DNAI1: variants seen among roughly 807,000 people sequenced by gnomAD.
DNAI1 encodes the protein dynein, axonemal, intermediate polypeptide 1.
DNAI1 carries 67 observed loss-of-function variants against 92.0 expected under a neutral mutation model. The ratio of observed to expected loss-of-function variants is 0.73; its 90% confidence interval spans 0.60 to 0.89. The LOEUF is 0.89. DNAI1 is among the 40% of genes least tolerant of loss of function. DNAI1 has a pLI of 0.00. For missense variants in DNAI1, 839 were observed against 866.6 expected (o/e 0.97, Z 0.40); for synonymous variants, 323 against 319.6 (o/e 1.01, Z -0.11).
chr9:34,504,185 G>A (rs1824882131), intron 12 of DNAI1, among the ~76,000 whole-genome samples: 1 of 152,116 alleles, frequency 6.6e-6, no homozygotes, highest in Admixed American at 6.5e-5. Flanking sequence ...CCCTCAAAAG[G>A]GGCCAATGTC....
intron 12 of DNAI1, among the ~76,000 whole-genome samples, chr9:34,502,161 G>T (rs887185431): frequency 2.0e-5 from 3 of 152,212 alleles, no homozygotes; most frequent in Admixed American, 6.5e-5. Context: ...TGACCAGGGT[G>T]GGGAGGGGCA....
At position 34,520,928 on chromosome 9, in the gene DNAI1, GTCT is replaced by G. The variant is rs1825269969; in HGVS notation, c.*175_*177del. On this transcript the variant is annotated 3_prime_UTR_variant, in exon 20 of 20. Transcript: ENST00000242317. The stretch of plus-strand genomic sequence containing the variant: ...TCCCAGCACCTTACCCCAGGACTTG[GTCT>G]TCAACCACCATTACCCCTCTAACTT... 3 of 701,772 alleles carry G rather than the reference GTCT, an allele frequency of 4.3e-6. No individual in the cohort carries two copies. The highest frequency in any genetic ancestry group is 7.6e-6 in the Non-Finnish European group (3 of 395,698). 43.5% of individuals were successfully genotyped at this position (701,772 alleles called of 1,614,324 possible). A position where few individuals can be genotyped will look rare whatever the true frequency, so the allele number is the denominator to read the frequency against.
At chr9:34,460,372 TCTA>T (rs1237203028) in intron 1 of DNAI1, among the ~76,000 whole-genome samples, 1 of 152,222 alleles carries the variant, frequency 6.6e-6, no homozygotes, top group East Asian at 1.9e-4. Flanking sequence ...CCCACTCAAG[TCTA>T]GGTACATTGA....
chr9:34,490,308 C>T, intron 6 of DNAI1, 61 bp from the exon 7 acceptor site: 1 of 1,613,930 alleles, frequency 6.2e-7, no homozygotes, highest in East Asian at 2.2e-5. Flanking sequence ...CTTGCCCCAT[C>T]TCCCGGTTTT....
chr9:34,516,175 G>A (rs1376854093), intron 18 of DNAI1, among the ~76,000 whole-genome samples: 2 of 152,138 alleles, frequency 1.3e-5, no homozygotes, highest in Admixed American at 1.3e-4. Context: ...GCCCTGAGGT[G>A]GGAACCAGCT....
intron 19 of DNAI1, among the ~76,000 whole-genome samples, chr9:34,520,417 G>T (rs1460068249): frequency 1.3e-5 from 2 of 152,186 alleles, no homozygotes; most frequent in African/African-American, 4.8e-5. Context: ...AAGACCCCAT[G>T]TCCATCTGAG....
Position 34,458,837 on chromosome 9 carries a change from T to C in DNAI1, c.-169T>C, listed in dbSNP as rs1175027788. The C allele has an allele frequency of 5.7e-6, 4 of 699,386 alleles. No homozygotes were observed. The African/African-American group carries it at 7.0e-5, about 12-fold the overall frequency. 43.3% of individuals were successfully genotyped at this position (699,386 alleles called of 1,614,324 possible). A position where few individuals can be genotyped will look rare whatever the true frequency, so the allele number is the denominator to read the frequency against. ...GGGTAACCGCGTCAGGGAGTTGGAT[T>C]CTATCCTGCAAGGGCACGGGGACCC... On this transcript the variant is annotated 5_prime_UTR_variant, in exon 1 of 20. Coordinates refer to ENST00000242317, the MANE Select transcript of DNAI1 (RefSeq NM_012144.4). The surrounding 1 kb of genome is among the most constrained non-coding windows in gnomAD (Gnocchi z 6.6).
At position 34,514,644 on chromosome 9, in the gene DNAI1, C is replaced by T; in HGVS notation, c.1723C>T (p.Pro575Ser). Residue 575 changes from proline (P) to serine (S), a missense_variant, in exon 18 of 20, where the codon CCG (proline) becomes TCG (serine). Transcript: ENST00000242317. ...VKIWDHTIKTPMFIYDLNSAV... is the reference protein window; with the variant it reads ...VKIWDHTIKTSMFIYDLNSAV... ...TTCCACCCTCCACCTCTGCAGGACC[C>T]CGATGTTCATCTATGACCTGAACTC... The T allele has an allele frequency of 6.2e-7, 1 of 1,614,204 alleles. No individual in the cohort carries two copies. The highest frequency in any genetic ancestry group is 1.1e-5 in the South Asian group (1 of 91,084).
chr9:34,490,159 C>A (rs200075150), intron 6 of DNAI1, 35 bp downstream of exon 6: 1 of 1,613,548 alleles, frequency 6.2e-7, no homozygotes, highest in African/African-American at 1.3e-5. Flanking sequence ...CCCTCTTCTT[C>A]CAGCTCAAGC....
chr9:34,472,976 A>G (rs898531293), intron 1 of DNAI1, among the ~76,000 whole-genome samples: 12 of 152,088 alleles, frequency 7.9e-5, no homozygotes, highest in African/African-American at 2.9e-4. Context: ...GTCACACTGC[A>G]TGCACAAAAA....
intron 17 of DNAI1, 46 bp downstream of exon 17, chr9:34,514,588 A>C (rs1270854928): frequency 1.2e-6 from 2 of 1,614,208 alleles, no homozygotes; most frequent in Non-Finnish European, 1.7e-6. Context: ...CCCCTGGGCT[A>C]TGGCACTGTG....
chr9:34,481,432 T>C (rs1026607154), intron 1 of DNAI1, among the ~76,000 whole-genome samples: 3 of 152,166 alleles, frequency 2.0e-5, no homozygotes, highest in African/African-American at 7.2e-5. Context: ...ATAGGACCTG[T>C]CTGGCTGGGC....
At chr9:34,499,789 G>C (rs1443226413) in intron 10 of DNAI1, among the ~76,000 whole-genome samples, 1 of 152,184 alleles carries the variant, frequency 6.6e-6, no homozygotes, top group Non-Finnish European at 1.5e-5. Context: ...TTGATATGGA[G>C]GGGACACGGA....
At chr9:34,511,263 TC>T (rs1825059968) in intron 13 of DNAI1, among the ~76,000 whole-genome samples, 1 of 152,246 alleles carries the variant, frequency 6.6e-6, no homozygotes, top group Admixed American at 6.5e-5. Context: ...CGTGTCATCT[TC>T]ATAAGACAAC....
rs544838887 is a variant in DNAI1, at chr9:34,517,331, A to G, written c.1865A>G (p.Asn622Ser). 1 of 1,614,142 alleles carries G rather than the reference A, an allele frequency of 6.2e-7. No individual in the cohort carries two copies. Among genetic ancestry groups the G allele is most frequent in the South Asian group, 1.1e-5 (1 of 91,070 alleles). ...LAINKYEAIC[N>S]QPVAAKKNRL... ...ATCAACAAGTATGAGGCCATCTGCA[A>G]CCAGCCTGTGGCGGCCAAAAAGAAC... The change falls in exon 19 of 20, where the codon AAC (asparagine) becomes AGC (serine). Residue 622 changes from asparagine to serine, a missense_variant. Coordinates refer to ENST00000242317, the MANE Select transcript of DNAI1 (RefSeq NM_012144.4).
intron 13 of DNAI1, among the ~76,000 whole-genome samples, chr9:34,507,362 T>C (rs569015125): frequency 1.3e-5 from 2 of 152,226 alleles, no homozygotes; most frequent in Non-Finnish European, 2.9e-5. Context: ...TTGTGTGTTA[T>C]GTATATTTTA....
In DNAI1 at chr9:34,465,201, T is replaced by C. The variant is rs114215757; in HGVS notation, c.48+6148T>C. On this transcript the variant is annotated intron_variant, in intron 1 of 19. Coordinates refer to ENST00000242317, the MANE Select transcript of DNAI1 (RefSeq NM_012144.4). ...TAAGAACTATGTAGGCAAAGATTGT[T>C]TTTTTAAGATGACAGACTTGAATAT... is the stretch of plus-strand genomic sequence containing the variant. Among the ~76,000 whole-genome samples the C allele has an allele frequency of 2.2e-3, 331 of 152,318 alleles. 2 individuals are homozygous for C. The highest frequency in any genetic ancestry group is 7.1e-3 in the African/African-American group (295 of 41,568).
At chr9:34,488,069 A>G in intron 4 of DNAI1, 1 of 398,004 alleles carries the variant, frequency 2.5e-6, no homozygotes, top group Non-Finnish European at 5.0e-6. Flanking sequence ...GGGAATCTTC[A>G]TCATGAAAAT....
chr9:34,482,232 A>G (rs1824373575), intron 1 of DNAI1, among the ~76,000 whole-genome samples: 2 of 144,438 alleles, frequency 1.4e-5, no homozygotes, highest in Non-Finnish European at 3.0e-5. Flanking sequence ...TGATTGGTGT[A>G]TTTACAATCC....
Sources: allele counts gnomAD v4.1 joint callset (sites outside exome capture counted in the v4.1 genomes callset), GRCh38; gene constraint gnomAD v4.1.1; non-coding constraint Gnocchi (gnomAD v3.1); transcripts MANE v1.5; gene names NCBI Gene and HGNC (gene_info 2026-07-23, HGNC 2026-07-21).